MTO1: variants seen among roughly 807,000 people sequenced by gnomAD.
MTO1 encodes the protein 5-taurinomethyluridine-[tRNA] synthase subunit MTO1, mitochondrial.
In MTO1, 46 loss-of-function variants were observed where a neutral mutation model predicts 71.6. The observed-to-expected ratio is 0.64, with a 90% CI of 0.51 to 0.82. MTO1 has a LOEUF of 0.82. Ranked by LOEUF, MTO1 falls within the 40% of genes least tolerant of loss-of-function variation. The probability of loss-of-function intolerance (pLI) is 0.00; values close to 1 mark genes in which losing one functional copy is unlikely to be tolerated. For missense variants in MTO1, 773 were observed against 867.5 expected, an observed-to-expected ratio of 0.89 and a Z score of 1.37; for synonymous variants, 297 against 312.1, an observed-to-expected ratio of 0.95 and a Z score of 0.51.
Position 73,500,653 on chromosome 6 carries a change from G to A in MTO1, c.1997G>A (p.Arg666Gln), listed in dbSNP as rs1772134598. ...CTGAGATTTGTGAAGACCACTCAACGAAGACAGTCGGCTATGAATGAATCA... is the reference window on the plus strand; with the variant it reads ...CTGAGATTTGTGAAGACCACTCAACAAAGACAGTCGGCTATGAATGAATCA... ...NLLRFVKTTQ[R>Q]RQSAMNESSK... The change falls in exon 12 of 12, where the codon CGA (arginine) becomes CAA (glutamine). Residue 666 changes from arginine to glutamine, a missense_variant. Physicochemically the swap from Arg to Gln is conservative, Grantham distance 43. Coordinates refer to ENST00000498286, the MANE Select transcript of MTO1 (RefSeq NM_012123.4). The A allele has an allele frequency of 6.2e-6, 10 of 1,613,928 alleles. No individual in the cohort carries two copies. Among genetic ancestry groups the A allele is most frequent in the Non-Finnish European group, 7.6e-6 (9 of 1,179,918 alleles).
At chr6:73,472,596 T>C (rs898993691) in intron 3 of MTO1, among the ~76,000 whole-genome samples, 6 of 152,218 alleles carry the variant, frequency 3.9e-5, no homozygotes, top group African/African-American at 1.2e-4. Context: ...TCAAAGGTTA[T>C]ACATTTTCAG....
intron 10 of MTO1, among the ~76,000 whole-genome samples, chr6:73,494,971 C>T (rs1458272830): frequency 6.6e-6 from 1 of 151,616 alleles, no homozygotes; most frequent in Non-Finnish European, 1.5e-5. Flanking sequence ...TTAGTAGAGA[C>T]AGTGTTTCAC....
intron 6 of MTO1, 35 bp from the exon 7 acceptor site, chr6:73,480,640 T>C (rs1771462066): frequency 6.2e-7 from 1 of 1,610,810 alleles, no homozygotes; most frequent in African/African-American, 1.3e-5. Flanking sequence ...TCCAGCTCTG[T>C]ATTTACTTAT....
chr6:73,500,563 T>C lies in MTO1; in HGVS notation c.1918-11T>C, dbSNP rs760795915. The C allele has an allele frequency of 3.9e-5, 62 of 1,608,904 alleles. No homozygotes were observed. Among genetic ancestry groups the C allele is most frequent in the Non-Finnish European group, 4.8e-5 (57 of 1,178,044 alleles). On this transcript the variant is annotated splice_polypyrimidine_tract_variant and intron_variant, in intron 11 of 11. Coordinates refer to ENST00000498286, the MANE Select transcript of MTO1 (RefSeq NM_012123.4). ...AGCTCACTTAGTTTCTCTTGTGGTA[T>C]TGATTTTTAGATCGGGGCTGCTAGT...
At chr6:73,487,763 T>C (rs529384723) in intron 9 of MTO1, 1 of 152,024 alleles carries the variant, frequency 6.6e-6, no homozygotes, top group South Asian at 2.1e-4. Context: ...CTGAACTTAG[T>C]GTGGAGACCC....
chr6:73,497,944 A>G, intron 11 of MTO1, 48 bp downstream of exon 11: 1 of 1,518,250 alleles, frequency 6.6e-7, no homozygotes, highest in Non-Finnish European at 8.9e-7. Flanking sequence ...ATAAAGATAC[A>G]GTGCTTTAAT....
At chr6:73,489,217 G>T (rs1185246110) in intron 9 of MTO1, among the ~76,000 whole-genome samples, 2 of 150,702 alleles carry the variant, frequency 1.3e-5, no homozygotes, top group African/African-American at 4.9e-5. Context: ...GGTGGTCTTG[G>T]TATGCTTGTC....
rs1251869756 is a variant in MTO1 at position 73,500,888 on chromosome 6, G to A, written c.*153G>A. On this transcript the variant is annotated 3_prime_UTR_variant, in exon 12 of 12. Coordinates refer to ENST00000498286, the MANE Select transcript of MTO1 (RefSeq NM_012123.4). ...TCTGAGTGGGACAGAAATTATAATT[G>A]TGCTTTTTCGTGTATATGAAAAAAC... is the stretch of plus-strand genomic sequence containing the variant. The A allele has an allele frequency of 3.5e-6, 2 of 575,694 alleles. No individual in the cohort carries two copies. Among genetic ancestry groups the A allele is most frequent in the African/African-American group, 3.9e-5 (2 of 51,814 alleles). 35.7% of individuals were successfully genotyped at this position (575,694 alleles called of 1,614,324 possible).
At chr6:73,471,371 G>T in intron 3 of MTO1, 2 of 405,998 alleles carry the variant, frequency 4.9e-6, no homozygotes, top group South Asian at 1.8e-5. Flanking sequence ...CAGATTTAAT[G>T]GTTATATTGT....
At chr6:73,490,093 A>G (rs1771763836) in intron 9 of MTO1, among the ~76,000 whole-genome samples, 1 of 152,126 alleles carries the variant, frequency 6.6e-6, no homozygotes. Flanking sequence ...TCTTCTTTTG[A>G]GAAGTGTGTG....
intron 10 of MTO1, among the ~76,000 whole-genome samples, chr6:73,492,966 A>ATGTGTGTGTGTGTGTGTGTG (rs1161293835): frequency 4.7e-5 from 2 of 42,866 alleles, no homozygotes; most frequent in African/African-American, 1.8e-4. Context: ...TATATATAAT[A>ATGTGTGTGTGTGTGTGTGTG]TATGTGTGTG....
chr6:73,470,843 C>G (rs1771142763), intron 3 of MTO1, among the ~76,000 whole-genome samples: 1 of 152,124 alleles, frequency 6.6e-6, no homozygotes, highest in South Asian at 2.1e-4. Context: ...GTCCCAGCTA[C>G]TCAGGAGGCT....
chr6:73,474,817 G>A (rs145451112), intron 4 of MTO1, among the ~76,000 whole-genome samples: 5,131 of 150,800 alleles, frequency 0.034, 299 homozygotes, highest in Admixed American at 0.15. Context: ...GTGCAATGGC[G>A]CAATCTCGGC....
rs1772353488 is a variant in MTO1, at chr6:73,508,863, G to C, written c.*8128G>C. 6.6e-6 allele frequency: 1 copy of C among 152,200 alleles called. No individual in the cohort carries two copies. Among genetic ancestry groups the C allele is most frequent in the Non-Finnish European group, 1.5e-5 (1 of 68,056 alleles). 9.4% of individuals were successfully genotyped at this position (152,200 alleles called of 1,614,324 possible). ...AGAAGGTATGATAATGGCTAAAGAT[G>C]GGGACTGTAGGTCAATGCTCCACGA... On this transcript the variant is annotated 3_prime_UTR_variant, in exon 12 of 12. Coordinates refer to ENST00000498286, the MANE Select transcript of MTO1 (RefSeq NM_012123.4).
chr6:73,481,375 G>A (rs1771487263), intron 7 of MTO1, among the ~76,000 whole-genome samples: 1 of 152,054 alleles, frequency 6.6e-6, no homozygotes, highest in African/African-American at 2.4e-5. Flanking sequence ...TACTTCATTA[G>A]AAATTATTAT....
Position 73,500,949 on chromosome 6 carries a change from C to G in MTO1, c.*214C>G. 2.7e-6 allele frequency: 1 copy of G among 367,448 alleles called. No individual in the cohort carries two copies. 22.8% of individuals were successfully genotyped at this position (367,448 alleles called of 1,614,324 possible). On this transcript the variant is annotated 3_prime_UTR_variant, in exon 12 of 12. Coordinates refer to ENST00000498286, the MANE Select transcript of MTO1 (RefSeq NM_012123.4). The stretch of plus-strand genomic sequence containing the variant: ...CAATTTGTACTCTTTCTTTAAGGAG[C>G]TGTAATACAAATAACTTTGTGCAGT...
In MTO1 at chr6:73,466,597, G is replaced by T. The variant is rs1009189949; in HGVS notation, c.526G>T (p.Val176Phe). ...CACTGGGAAATGCCGTGTCAGTGGG[G>T]TTGTTTTGGGTACGTATTGGTTATA... ...EHTGKCRVSG[V>F]VLVDGSTVYA... is the part of the protein sequence containing the mutation. Residue 176 changes from valine (V) to phenylalanine (F), a missense_variant, in exon 3 of 12, where the codon GTT becomes TTT. Transcript: ENST00000498286. 6.2e-7 allele frequency: 1 copy of T among 1,613,262 alleles called. No individual in the cohort carries two copies. Among genetic ancestry groups the T allele is most frequent in the African/African-American group, 1.3e-5 (1 of 74,894 alleles).
At chr6:73,485,443 T>G (rs1042666275) in intron 9 of MTO1, among the ~76,000 whole-genome samples, 4 of 143,266 alleles carry the variant, frequency 2.8e-5, no homozygotes. Context: ...CTTTCTTTCT[T>G]TTTTTTTTTT....
chr6:73,466,450 TTTAA>T (rs774137523), intron 2 of MTO1, 35 bp from the exon 3 acceptor site: 4 of 1,613,202 alleles, frequency 2.5e-6, no homozygotes, highest in Non-Finnish European at 3.4e-6. Flanking sequence ...ATAGTGATTG[TTTAA>T]TTACCATGTT....
Sources: allele counts gnomAD v4.1 joint callset (sites outside exome capture counted in the v4.1 genomes callset), GRCh38; gene constraint gnomAD v4.1.1; transcripts MANE v1.5; gene names NCBI Gene and HGNC (gene_info 2026-07-23, HGNC 2026-07-21).